Variants in ZNF292 observed in about 807,000 individuals in gnomAD.
The protein encoded by ZNF292 is zinc finger protein 292, also known as 16 zinc-finger domain protein.
Under a neutral mutation model 217.9 loss-of-function variants are expected in ZNF292, and 26 were observed. The ratio of observed to expected loss-of-function variants is 0.12; its 90% CI spans 0.09 to 0.17. The LOEUF is 0.17. ZNF292 is among the 10% of genes least tolerant of loss of function. The pLI, the probability that ZNF292 is intolerant of heterozygous loss-of-function variation, is 1.00. For synonymous variants in ZNF292, 1,257 were observed against 1,124.1 expected (o/e 1.12, Z -2.37); for missense variants, 2,904 against 3,175.2 (o/e 0.91, Z 2.05).
intron 1 of ZNF292, among the ~76,000 whole-genome samples, chr6:87,157,729 C>T (rs182815708): frequency 9.1e-4 from 138 of 152,270 alleles, no homozygotes; most frequent in African/African-American, 3.0e-3. Flanking sequence ...TGCTCTGTCA[C>T]CCGGGCTGGA....
At chr6:87,215,677 T>C (rs1163906039) in intron 1 of ZNF292, among the ~76,000 whole-genome samples, 3 of 152,152 alleles carry the variant, frequency 2.0e-5, no homozygotes, top group Non-Finnish European at 4.4e-5. Context: ...TTGATGAAAT[T>C]ATGCTGTTGC....
chr6:87,162,675 C>A (rs1161271416), intron 1 of ZNF292, among the ~76,000 whole-genome samples: 1 of 152,156 alleles, frequency 6.6e-6, no homozygotes, highest in Non-Finnish European at 1.5e-5. Flanking sequence ...TTGCTTGCCC[C>A]CTTCTTATCC....
intron 5 of ZNF292, among the ~76,000 whole-genome samples, chr6:87,236,866 G>A (rs1773930483): frequency 6.6e-6 from 1 of 152,014 alleles, no homozygotes; most frequent in Admixed American, 6.6e-5. Context: ...TAATTCCATA[G>A]TATGCATTTG....
chr6:87,250,708 C>G (rs34781715), intron 7 of ZNF292, among the ~76,000 whole-genome samples: 1 of 152,158 alleles, frequency 6.6e-6, no homozygotes, highest in East Asian at 1.9e-4. Context: ...CCCCCAGATT[C>G]TAAAGGACAA....
In ZNF292 at chr6:87,262,677, A is replaced by AT. The variant is rs1312087125; in HGVS notation, c.*879dup. The AT allele has an allele frequency of 1.3e-5, 2 of 151,972 alleles. No homozygotes were observed. The highest frequency in any genetic ancestry group is 1.9e-4 in the East Asian group (1 of 5,200). 9.4% of individuals were successfully genotyped at this position (151,972 alleles called of 1,614,324 possible). On this transcript the variant is annotated 3_prime_UTR_variant, in exon 8 of 8. Coordinates refer to ENST00000369577, the MANE Select transcript of ZNF292 (RefSeq NM_015021.3). Reference sequence around the variant, plus strand: ...ACTAGTAGTGTGGAGCAGTGTAAATATTTGAGGTGGTGATTTGTGAAGTAG... The same window carrying AT: ...ACTAGTAGTGTGGAGCAGTGTAAATATTTTGAGGTGGTGATTTGTGAAGTAG...
intron 1 of ZNF292, among the ~76,000 whole-genome samples, chr6:87,205,421 T>C (rs1772221623): frequency 6.6e-6 from 1 of 152,138 alleles, no homozygotes. Context: ...TATTTTTTTT[T>C]CTTAACCTGG....
intron 1 of ZNF292, among the ~76,000 whole-genome samples, chr6:87,210,235 A>C (rs764006111): frequency 5.9e-5 from 9 of 152,232 alleles, no homozygotes; most frequent in Non-Finnish European, 1.0e-4. Flanking sequence ...CAAGGGGTTA[A>C]AAATTGGCTC....
chr6:87,251,137 G>T (rs1774899318), intron 7 of ZNF292, among the ~76,000 whole-genome samples: 1 of 152,168 alleles, frequency 6.6e-6, no homozygotes, highest in Admixed American at 6.5e-5. Flanking sequence ...TGGAATATTT[G>T]GGGAACTACA....
intron 4 of ZNF292, among the ~76,000 whole-genome samples, chr6:87,222,267 G>C (rs1166200787): frequency 6.6e-6 from 1 of 152,042 alleles, no homozygotes; most frequent in Non-Finnish European, 1.5e-5. Context: ...CAGAAATCAA[G>C]CTTCTGGGAT....
intron 1 of ZNF292, among the ~76,000 whole-genome samples, chr6:87,156,422 C>T (rs563573299): frequency 3.9e-5 from 6 of 152,242 alleles, no homozygotes; most frequent in Admixed American, 2.0e-4. Flanking sequence ...TGGTGCATCA[C>T]TTCTGTGGTA....
At chr6:87,180,416 A>G (rs1980790) in intron 1 of ZNF292, among the ~76,000 whole-genome samples, 95,906 of 152,100 alleles carry the variant, frequency 0.63, 31,829 homozygotes, top group African/African-American at 0.85. Context: ...CTCTGCCCCA[A>G]GTATGTGCCA....
At chr6:87,243,720 A>C in intron 6 of ZNF292, 109 bp downstream of exon 6, 1 of 1,072,352 alleles carries the variant, frequency 9.3e-7, no homozygotes. Context: ...TTTTAAGACA[A>C]AAGGCTTATA....
chr6:87,202,256 G>C (rs547389789), intron 1 of ZNF292, among the ~76,000 whole-genome samples: 1 of 151,778 alleles, frequency 6.6e-6, no homozygotes, highest in Admixed American at 6.6e-5. Context: ...TTTTTGAAAA[G>C]ATCTTATAAA....
chr6:87,171,417 A>C lies in ZNF292; in HGVS notation c.168+15658A>C, dbSNP rs186574056. Among the ~76,000 whole-genome samples the C allele has an allele frequency of 1.3e-3, 192 of 151,490 alleles. 1 individual carries two copies. Among genetic ancestry groups the C allele is most frequent in the African/African-American group, 4.3e-3 (176 of 41,368 alleles). On this transcript the variant is annotated intron_variant, in intron 1 of 7. Coordinates refer to ENST00000369577, the MANE Select transcript of ZNF292 (RefSeq NM_015021.3). ...TGGTTTTTTTTTTGTTTGTTTTTTTAATCTCTGTTCTTACATATAGACTAG... is the reference window on the plus strand; with the variant it reads ...TGGTTTTTTTTTTGTTTGTTTTTTTCATCTCTGTTCTTACATATAGACTAG...
At chr6:87,210,468 C>T (rs754359184) in intron 1 of ZNF292, among the ~76,000 whole-genome samples, 1 of 151,934 alleles carries the variant, frequency 6.6e-6, no homozygotes, top group Non-Finnish European at 1.5e-5. Context: ...CCAGAACACA[C>T]ACTATAGAGC....
intron 1 of ZNF292, among the ~76,000 whole-genome samples, chr6:87,158,613 G>T (rs1419364708): frequency 6.6e-6 from 1 of 152,238 alleles, no homozygotes; most frequent in Non-Finnish European, 1.5e-5. Flanking sequence ...GGCAGAGGTT[G>T]CAGTGAGCAG....
chr6:87,206,172 C>G (rs529416367), intron 1 of ZNF292, among the ~76,000 whole-genome samples: 193 of 152,294 alleles, frequency 1.3e-3, no homozygotes, highest in African/African-American at 4.4e-3. Flanking sequence ...CTTAAACTTA[C>G]AGCTGTCCTA....
At chr6:87,230,299 A>G (rs1773583023) in intron 4 of ZNF292, among the ~76,000 whole-genome samples, 2 of 152,350 alleles carry the variant, frequency 1.3e-5, no homozygotes, top group Admixed American at 1.3e-4. Flanking sequence ...ACCCCACTTT[A>G]GGGGGAATCT....
At chr6:87,203,119 ATTAATATATT>A (rs576811436) in intron 1 of ZNF292, among the ~76,000 whole-genome samples, 1 of 146,210 alleles carries the variant, frequency 6.8e-6, no homozygotes, top group African/African-American at 2.5e-5. Context: ...AGTGAATTAC[ATTAATATATT>A]TTCCTTTTTT....
Sources: allele counts gnomAD v4.1 joint callset (sites outside exome capture counted in the v4.1 genomes callset), GRCh38; gene constraint gnomAD v4.1.1; transcripts MANE v1.5; gene names NCBI Gene and HGNC (gene_info 2026-07-23, HGNC 2026-07-21).